ESRRG: variants seen among roughly 807,000 people sequenced by gnomAD.
ESRRG encodes estrogen related receptor gamma.
ESRRG carries 13 observed loss-of-function variants against 44.0 expected under a neutral mutation model. The ratio of observed to expected loss-of-function variants is 0.30; its 90% CI spans 0.19 to 0.47. ESRRG has a LOEUF of 0.47. Ranked by LOEUF, ESRRG falls within the 20% of genes least tolerant of loss-of-function variation. ESRRG has a pLI of 1.00. For synonymous variants in ESRRG, 215 were observed against 214.6 expected, an observed-to-expected ratio of 1.00 and a Z score of -0.02; for missense variants, 395 against 580.6, an observed-to-expected ratio of 0.68 and a Z score of 3.29.
At chr1:216,530,183 T>C (rs1308402066) in intron 5 of ESRRG, among the ~76,000 whole-genome samples, 1 of 151,692 alleles carries the variant, frequency 6.6e-6, no homozygotes, top group Non-Finnish European at 1.5e-5. Context: ...ATTTCTGTTA[T>C]TTGTAATCCA....
intron 5 of ESRRG, among the ~76,000 whole-genome samples, chr1:216,542,222 T>C (rs1478863587): frequency 6.6e-6 from 1 of 151,986 alleles, no homozygotes; most frequent in African/African-American, 2.4e-5. Flanking sequence ...AATTCCATTT[T>C]TTTTTCCTCT....
intron 5 of ESRRG, among the ~76,000 whole-genome samples, chr1:216,543,347 C>T (rs1572648970): frequency 6.6e-6 from 1 of 152,012 alleles, no homozygotes; most frequent in South Asian, 2.1e-4. Flanking sequence ...GGATAAAAAT[C>T]TATTTTATTC....
chr1:216,873,607 T>C (rs1309149354), intron 2 of ESRRG, among the ~76,000 whole-genome samples: 1 of 151,840 alleles, frequency 6.6e-6, no homozygotes, highest in Non-Finnish European at 1.5e-5. Flanking sequence ...CTCTTTTCAG[T>C]CCTCCAACTA....
chr1:216,610,209 C>CTTT (rs77574879), intron 3 of ESRRG, among the ~76,000 whole-genome samples: 2 of 140,282 alleles, frequency 1.4e-5, no homozygotes, highest in Non-Finnish European at 1.5e-5. Flanking sequence ...AAATTCAGTG[C>CTTT]TTTTTTTTTT....
At chr1:217,054,762 C>CAA (rs113335062) in intron 1 of ESRRG, among the ~76,000 whole-genome samples, 11 of 145,052 alleles carry the variant, frequency 7.6e-5, no homozygotes, top group African/African-American at 2.5e-4. Flanking sequence ...GAAGAAAGGT[C>CAA]AAAAAAAAAA....
intron 2 of ESRRG, among the ~76,000 whole-genome samples, chr1:216,871,437 G>A (rs181470290): frequency 1.9e-3 from 282 of 152,118 alleles, no homozygotes; most frequent in African/African-American, 6.5e-3. Flanking sequence ...TGAAAAGCAT[G>A]TGTATTTTCC....
chr1:217,013,516 C>A (rs1018649934), intron 1 of ESRRG, among the ~76,000 whole-genome samples: 2 of 152,154 alleles, frequency 1.3e-5, no homozygotes, highest in Non-Finnish European at 2.9e-5. Flanking sequence ...GACAGACAGT[C>A]CATAATCTCT....
chr1:216,517,148 A>G (rs2044588888), intron 6 of ESRRG, among the ~76,000 whole-genome samples: 1 of 152,178 alleles, frequency 6.6e-6, no homozygotes. Context: ...AGAAGAAGCA[A>G]TGTTACTCAA....
intron 2 of ESRRG, among the ~76,000 whole-genome samples, chr1:216,652,143 T>G (rs1361746998): frequency 2.0e-5 from 3 of 152,126 alleles, no homozygotes; most frequent in African/African-American, 7.2e-5. Flanking sequence ...TCACACCAAA[T>G]GCATAAATTC....
chr1:216,776,684 A>C (rs1003482699), intron 2 of ESRRG, among the ~76,000 whole-genome samples: 1 of 152,176 alleles, frequency 6.6e-6, no homozygotes, highest in Non-Finnish European at 1.5e-5. Context: ...ATTGGTAGTA[A>C]GGGATTTTAT....
chr1:216,948,964 GT>G (rs2066518240), intron 1 of ESRRG, among the ~76,000 whole-genome samples: 1 of 152,124 alleles, frequency 6.6e-6, no homozygotes, highest in Non-Finnish European at 1.5e-5. Context: ...TTGAGTTCTA[GT>G]TTATGGGACC....
At chr1:216,512,974 A>G (rs1446514053) in intron 6 of ESRRG, among the ~76,000 whole-genome samples, 1 of 152,202 alleles carries the variant, frequency 6.6e-6, no homozygotes, top group African/African-American at 2.4e-5. Flanking sequence ...GGAAAAGGTC[A>G]TGGAAACGGA....
chr1:217,082,693 C>G (rs927437785), intron 1 of ESRRG, among the ~76,000 whole-genome samples: 3 of 150,698 alleles, frequency 2.0e-5, no homozygotes, highest in African/African-American at 7.3e-5. Context: ...TCACCCTCTT[C>G]TTCATCCAAC....
chr1:216,940,475 G>T (rs1237283657), intron 1 of ESRRG, among the ~76,000 whole-genome samples: 1 of 152,198 alleles, frequency 6.6e-6, no homozygotes, highest in Non-Finnish European at 1.5e-5. Context: ...AGCTCAGGGG[G>T]TGAGAAGGGA....
At chr1:216,697,252 C>T (rs944499683) in intron 1 of ESRRG, among the ~76,000 whole-genome samples, 1 of 152,192 alleles carries the variant, frequency 6.6e-6, no homozygotes, top group African/African-American at 2.4e-5. Flanking sequence ...AAGCGTGAGC[C>T]ACTGCACCTG....
At chr1:216,692,314 G>A (rs1459896278) in intron 1 of ESRRG, among the ~76,000 whole-genome samples, 1 of 156 alleles carries the variant, frequency 6.4e-3, no homozygotes, top group Non-Finnish European at 0.018. Context: ...GCTAGTGTAT[G>A]TGTGTGTGTG....
At chr1:216,579,812 C>A (rs933206794) in intron 3 of ESRRG, among the ~76,000 whole-genome samples, 3 of 152,178 alleles carry the variant, frequency 2.0e-5, no homozygotes, top group African/African-American at 7.2e-5. Context: ...AGAATGGAGA[C>A]TTCAAATGTC....
At chr1:216,780,489 C>A (rs2093891798) in intron 2 of ESRRG, among the ~76,000 whole-genome samples, 1 of 151,980 alleles carries the variant, frequency 6.6e-6, no homozygotes, top group Non-Finnish European at 1.5e-5. Flanking sequence ...CTAGAAATTG[C>A]TGAAATGTAC....
rs746221834 is a variant in ESRRG, at chr1:217,082,629, G to T, written c.-106+6878C>A. 6.9e-4 allele frequency among the ~76,000 whole-genome samples: 105 copies of T among 151,898 alleles called. 2 individuals carry two copies. The highest frequency in any genetic ancestry group is 6.8e-3 in the Middle Eastern group (2 of 294). On this transcript the variant is annotated intron_variant, in intron 1 of 7. Coordinates refer to the ESRRG transcript ENST00000359162. ...TCACAGCTCAGTTAAGTACAGACAA[G>T]GCTATTCCCCACCCTTATCCCCATC...
Sources: gnomAD v4.1 joint callset for allele counts (sites outside exome capture counted in the v4.1 genomes callset) on GRCh38, gnomAD v4.1.1 for gene constraint, MANE v1.5 for transcripts, NCBI Gene and HGNC (gene_info 2026-07-23, HGNC 2026-07-21) for gene names.